The following OR2L13 variants were observed in gnomAD, a reference collection of about 807,000 sequenced individuals.
OR2L13 encodes olfactory receptor 2L13.
OR2L13 carries 14 observed loss-of-function variants against 15.3 expected under a neutral mutation model. The observed-to-expected ratio is 0.91, with a 90% CI of 0.60 to 1.43. The LOEUF (loss-of-function observed/expected upper bound fraction) is 1.43, where lower values mean the gene tolerates loss of function less well. Ranked by LOEUF, OR2L13 falls within the 40% of genes most tolerant of loss-of-function variation. The pLI is 0.00. For missense variants in OR2L13, 367 were observed against 387.9 expected (o/e 0.95, Z 0.45); for synonymous variants, 152 against 142.9 (o/e 1.06, Z -0.45).
the OR2L13 span, chr1:248,022,258 T>C: frequency 6.2e-7 from 1 of 1,614,214 alleles, no homozygotes; most frequent in African/African-American, 1.3e-5. Context: ...TTCTTCTTCA[T>C]GACTTTTGCA....
At chr1:248,047,997 A>T in the OR2L13 span, among the ~76,000 whole-genome samples, 2 of 152,214 alleles carry the variant, frequency 1.3e-5, no homozygotes, top group African/African-American at 4.8e-5. Flanking sequence ...TAATTGTAAG[A>T]GGTAGAATTC....
At chr1:247,960,332 A>C in the OR2L13 span, among the ~76,000 whole-genome samples, 3 of 152,162 alleles carry the variant, frequency 2.0e-5, no homozygotes, top group African/African-American at 4.8e-5. Context: ...AGGCCGTGTG[A>C]GGTGTCAGTC....
the OR2L13 span, among the ~76,000 whole-genome samples, chr1:248,000,676 T>TC: frequency 6.6e-6 from 1 of 152,012 alleles, no homozygotes; most frequent in East Asian, 1.9e-4. Flanking sequence ...ACTGAATTCT[T>TC]CCAGTAGGGA....
the OR2L13 span, among the ~76,000 whole-genome samples, chr1:248,070,739 A>G: frequency 6.6e-6 from 1 of 152,164 alleles, no homozygotes; most frequent in Non-Finnish European, 1.5e-5. Flanking sequence ...CAAGACTAAT[A>G]AAGAAGAAAA....
At chr1:247,995,493 G>A in the OR2L13 span, among the ~76,000 whole-genome samples, 1 of 152,122 alleles carries the variant, frequency 6.6e-6, no homozygotes, top group African/African-American at 2.4e-5. Flanking sequence ...ATAATAATTA[G>A]AGTCAGCCTG....
chr1:247,962,068 T>C, the OR2L13 span, among the ~76,000 whole-genome samples: 1 of 152,214 alleles, frequency 6.6e-6, no homozygotes, highest in Non-Finnish European at 1.5e-5. Flanking sequence ...ATTTTCAGAA[T>C]GGAGTCCAAT....
chr1:248,085,418 T>TAAAATAAAATAAAATA, the OR2L13 span, among the ~76,000 whole-genome samples: 4 of 27,590 alleles, frequency 1.4e-4, no homozygotes, highest in Non-Finnish European at 4.6e-4. Flanking sequence ...TAAAATAAAA[T>TAAAATAAAATAAAATA]AATAAAATAA....
At chr1:248,095,607 C>CTTTTTTTTTTTTTTTTTTTTTTTT, upstream of OR2L13, among the ~76,000 whole-genome samples, 225 of 37,306 alleles carry the variant, frequency 6.0e-3, 92 homozygotes, top group African/African-American at 8.0e-3. Flanking sequence ...AAAGCTGCTG[C>CTTTTTTTTTTTTTTTTTTTTTTTT]TTTTTTTTTT....
chr1:247,997,062 T>C, the OR2L13 span: 2 of 152,304 alleles, frequency 1.3e-5, no homozygotes, highest in South Asian at 2.1e-4. Context: ...TCTTGGTTCC[T>C]TTCCACTCCC....
chr1:248,010,031 T>C, the OR2L13 span, among the ~76,000 whole-genome samples: 193 of 152,126 alleles, frequency 1.3e-3, no homozygotes, highest in Non-Finnish European at 2.0e-3. Context: ...TAATAAGAGC[T>C]ATTCATGACA....
the OR2L13 span, chr1:248,003,561 T>G: frequency 6.2e-6 from 10 of 1,612,464 alleles, no homozygotes; most frequent in Non-Finnish European, 8.5e-6. Flanking sequence ...GTGCTGATGA[T>G]AACAGGATCT....
chr1:248,044,453 T>G, the OR2L13 span, among the ~76,000 whole-genome samples: 7 of 152,074 alleles, frequency 4.6e-5, no homozygotes, highest in Non-Finnish European at 7.4e-5. Flanking sequence ...CACCACTCAC[T>G]CTCCACCAAT....
At chr1:248,028,089 C>T in the OR2L13 span, among the ~76,000 whole-genome samples, 1 of 138,296 alleles carries the variant, frequency 7.2e-6, no homozygotes, top group Non-Finnish European at 1.5e-5. Context: ...TGCAGTGAGC[C>T]GAGATCACGC....
At chr1:248,002,103 TTTCTC>T in the OR2L13 span, among the ~76,000 whole-genome samples, 1 of 152,176 alleles carries the variant, frequency 6.6e-6, no homozygotes, top group African/African-American at 2.4e-5. Context: ...TGAAAATAAT[TTTCTC>T]TTCTAAATTT....
chr1:248,013,342 C>T, the OR2L13 span, among the ~76,000 whole-genome samples: 2 of 152,180 alleles, frequency 1.3e-5, no homozygotes, highest in East Asian at 3.9e-4. Context: ...AATAAATATA[C>T]TTGTTTCTTT....
chr1:248,074,760 C>T, the OR2L13 span, among the ~76,000 whole-genome samples: 1 of 152,008 alleles, frequency 6.6e-6, no homozygotes, highest in Non-Finnish European at 1.5e-5. Flanking sequence ...AATTTGTACC[C>T]CAAAGCTCAG....
chr1:247,976,407 C>T, the OR2L13 span, among the ~76,000 whole-genome samples: 1 of 152,166 alleles, frequency 6.6e-6, no homozygotes, highest in African/African-American at 2.4e-5. Context: ...ATTTTTATAC[C>T]TGCTTAGGCA....
the OR2L13 span, among the ~76,000 whole-genome samples, chr1:248,013,081 A>C: frequency 6.6e-6 from 1 of 151,912 alleles, no homozygotes; most frequent in African/African-American, 2.4e-5. Context: ...AAAGGAAACA[A>C]TATAAATATA....
At chr1:248,045,504 C>A in the OR2L13 span, among the ~76,000 whole-genome samples, 1 of 152,140 alleles carries the variant, frequency 6.6e-6, no homozygotes, top group Non-Finnish European at 1.5e-5. Context: ...TGTCTTACCG[C>A]ATCAAATAAG....
Sources: allele counts gnomAD v4.1 joint callset (sites outside exome capture counted in the v4.1 genomes callset), GRCh38; gene constraint gnomAD v4.1.1; transcripts MANE v1.5; gene names NCBI Gene and HGNC (gene_info 2026-07-23, HGNC 2026-07-21).